The following SI variants were observed in gnomAD, a reference collection of about 807,000 sequenced individuals.
SI encodes the protein sucrase-isomaltase.
SI carries 235 observed loss-of-function variants against 253.3 expected under a neutral mutation model. The ratio of observed to expected loss-of-function variants is 0.93; its 90% CI spans 0.83 to 1.03. SI has a LOEUF of 1.03. SI is among the 50% of genes least tolerant of loss of function. The pLI is 0.00. For synonymous variants in SI, 819 were observed against 712.0 expected, an observed-to-expected ratio of 1.15 and a Z score of -2.39; for missense variants, 2,442 against 2,211.1, an observed-to-expected ratio of 1.10 and a Z score of -2.09.
At chr3:165,077,042 C>T (rs1255067040) in intron 1 of SI, among the ~76,000 whole-genome samples, 3 of 150,526 alleles carry the variant, frequency 2.0e-5, no homozygotes, top group Non-Finnish European at 4.5e-5. Context: ...CTCATGTACC[C>T]AGTTGTCCCA....
At chr3:164,999,019 G>C in intron 37 of SI, among the ~76,000 whole-genome samples, 1 of 151,608 alleles carries the variant, frequency 6.6e-6, no homozygotes, top group East Asian at 1.9e-4. Context: ...TTTAATAAAG[G>C]CTTATGCTCT....
chr3:165,084,847 T>G, the SI span, among the ~76,000 whole-genome samples: 6 of 152,020 alleles, frequency 3.9e-5, no homozygotes, highest in Admixed American at 6.6e-5. Context: ...AACTTATACA[T>G]TCCTGAAACA....
rs1712355772 is a variant in SI, at chr3:165,033,452, GA to G, written c.2516-9del. ...TGCCATTTTGTATTGTATCTGAAATGAAAAATATCGTGATCAGTACAAAATG... is the reference window on the plus strand; with the variant it reads ...TGCCATTTTGTATTGTATCTGAAATGAAAATATCGTGATCAGTACAAAATG... On this transcript the variant is annotated splice_polypyrimidine_tract_variant and intron_variant, in intron 22 of 47. Transcript: ENST00000264382. 3 of 1,531,192 alleles carry G rather than the reference GA, an allele frequency of 2.0e-6. No homozygotes were observed. Among genetic ancestry groups the G allele is most frequent in the African/African-American group, 2.8e-5 (2 of 71,970 alleles). 94.9% of individuals were successfully genotyped at this position (1,531,192 alleles called of 1,614,324 possible). A position where few individuals can be genotyped will look rare whatever the true frequency, so the allele number is the denominator to read the frequency against.
In SI at chr3:165,062,445, C is replaced by T. The variant is rs1462186098; in HGVS notation, c.946G>A (p.Val316Ile). The change falls in exon 9 of 48, where the codon GTT (valine) becomes ATT (isoleucine). Residue 316 changes from valine (V) to isoleucine (I), a missense_variant. Transcript: ENST00000264382. Reference protein sequence around the residue: ...IQPTPIVTYRVTGGILDFYIL... With the variant: ...IQPTPIVTYRITGGILDFYIL... ...TAAAAATCCAGAATGCCACCGGTAACTCTATATGTTACTATTGGAGTAGGC... is the reference window on the plus strand; with the variant it reads ...TAAAAATCCAGAATGCCACCGGTAATTCTATATGTTACTATTGGAGTAGGC... 1 of 1,604,886 alleles carries T rather than the reference C, an allele frequency of 6.2e-7. No individual in the cohort carries two copies. Among genetic ancestry groups the T allele is most frequent in the African/African-American group, 1.3e-5 (1 of 74,636 alleles).
intron 1 of SI, among the ~76,000 whole-genome samples, chr3:165,077,850 A>G (rs1475878467): frequency 1.1e-4 from 16 of 151,576 alleles, no homozygotes. Flanking sequence ...AAAATTTAAA[A>G]CAATTGCTTA....
chr3:165,065,728 C>A (rs1340750952), intron 6 of SI, among the ~76,000 whole-genome samples: 1 of 151,238 alleles, frequency 6.6e-6, no homozygotes. Context: ...ATGACACAAA[C>A]TGGGATAATT....
Position 165,036,574 on chromosome 3 carries a change from GC to G in SI, c.2427-98del. On this transcript the variant is annotated intron_variant, in intron 21 of 47. Coordinates refer to ENST00000264382, the MANE Select transcript of SI (RefSeq NM_001041.4). ...CCACTTCAACCTGTCTGTTTTATGG[GC>G]CCTGAATTCAGTAAGGACATTGACA... is the stretch of plus-strand genomic sequence containing the variant. 2 of 771,194 alleles carry G rather than the reference GC, an allele frequency of 2.6e-6. 1 individual carries two copies. The highest frequency in any genetic ancestry group is 3.0e-5 in the South Asian group (2 of 66,550). 47.8% of individuals were successfully genotyped at this position (771,194 alleles called of 1,614,324 possible).
intron 37 of SI, among the ~76,000 whole-genome samples, chr3:165,000,040 T>A (rs1718188872): frequency 6.6e-6 from 1 of 151,290 alleles, no homozygotes; most frequent in African/African-American, 2.4e-5. Flanking sequence ...AATAAATATA[T>A]AAATATGAAG....
chr3:164,999,146 A>G (rs1311227960), intron 37 of SI, among the ~76,000 whole-genome samples: 2 of 151,794 alleles, frequency 1.3e-5, no homozygotes, highest in Non-Finnish European at 2.9e-5. Context: ...ATTTGAAGAG[A>G]GCAAAGTATT....
chr3:164,983,956 T>C (rs907646560), intron 45 of SI, among the ~76,000 whole-genome samples: 6 of 152,118 alleles, frequency 3.9e-5, no homozygotes, highest in Admixed American at 3.3e-4. Context: ...AAAACTTGTT[T>C]AGTGCTGACT....
intron 36 of SI, 60 bp from the exon 37 acceptor site, chr3:165,007,014 T>C: frequency 8.5e-7 from 1 of 1,176,980 alleles, no homozygotes; most frequent in Non-Finnish European, 1.2e-6. Flanking sequence ...ATGAAACGTG[T>C]AACTCATAAT....
At chr3:165,057,199 A>T (rs1352241885) in intron 12 of SI, among the ~76,000 whole-genome samples, 1 of 151,890 alleles carries the variant, frequency 6.6e-6, no homozygotes, top group Admixed American at 6.6e-5. Flanking sequence ...GGATATACTG[A>T]AGAATGCATC....
intron 18 of SI, among the ~76,000 whole-genome samples, chr3:165,040,174 G>T (rs1421059410): frequency 6.6e-6 from 1 of 151,120 alleles, no homozygotes; most frequent in Non-Finnish European, 1.5e-5. Context: ...AAGGGAAGAA[G>T]GAAGAAGGGG....
intron 12 of SI, among the ~76,000 whole-genome samples, chr3:165,058,031 C>G (rs982314450): frequency 1.4e-4 from 20 of 146,382 alleles, no homozygotes; most frequent in African/African-American, 5.0e-4. Flanking sequence ...ATATGTCAGG[C>G]CAAAAAACAA....
At chr3:164,987,374 T>C (rs1717488919) in intron 44 of SI, 148 bp from the exon 45 acceptor site, 4 of 670,706 alleles carry the variant, frequency 6.0e-6, no homozygotes, top group Non-Finnish European at 7.9e-6. Flanking sequence ...AGCATTTCCA[T>C]TTTTCTAAAT....
rs199706219 is a variant in SI, at chr3:165,030,864, G to C, written c.2740C>G (p.Leu914Val). ...NFTYDASNQV[L>V]LIADLKLNLG... ...TTAAGTTTGAGATCTGCAATTAGGA[G>C]AACCTTTGAAGACAAAAAAAAAAAA... The change falls in exon 25 of 48, where the codon CTC becomes GTC. Residue 914 changes from leucine (L) to valine (V), a missense_variant. Transcript: ENST00000264382. 1 of 933,054 alleles carries C rather than the reference G, an allele frequency of 1.1e-6. No individual in the cohort carries two copies. The allele number at this position is 933,054 out of a possible 1,614,324, so 57.8% of individuals were successfully genotyped here.
the SI span, among the ~76,000 whole-genome samples, chr3:165,086,367 A>C: frequency 5.3e-5 from 8 of 152,210 alleles, no homozygotes; most frequent in Admixed American, 5.2e-4. Context: ...GAAACATCTA[A>C]TGCTGTGCTT....
Position 165,018,257 on chromosome 3 carries a change from G to A in SI, c.3424-191C>T, listed in dbSNP as rs989944544. Among the ~76,000 whole-genome samples the A allele has an allele frequency of 1.9e-4, 29 of 150,938 alleles. 1 individual carries two copies. Among genetic ancestry groups the A allele is most frequent in the East Asian group, 7.8e-4 (4 of 5,128 alleles). On this transcript the variant is annotated intron_variant, in intron 28 of 47. Coordinates refer to ENST00000264382, the MANE Select transcript of SI (RefSeq NM_001041.4). ...AATTGTTTAAATTTTTTCTGCTTTC[G>A]TGCAGTTTACAAATATGTTTCTATA...
At position 164,979,288 on chromosome 3, in the gene SI, G is replaced by C. The variant is rs780848726; in HGVS notation, c.*74C>G. ...GTAGAGTACAAGAACCAAGTGAAGAGGGAAAATTGTAAGTGCTGTGAAACT... is the reference window on the plus strand; with the variant it reads ...GTAGAGTACAAGAACCAAGTGAAGACGGAAAATTGTAAGTGCTGTGAAACT... On this transcript the variant is annotated 3_prime_UTR_variant, in exon 48 of 48. Coordinates refer to ENST00000264382, the MANE Select transcript of SI (RefSeq NM_001041.4). The C allele has an allele frequency of 2.6e-4, 233 of 881,232 alleles. No homozygotes were observed. Among genetic ancestry groups the C allele is most frequent in the Non-Finnish European group, 4.1e-4 (211 of 519,040 alleles). The allele number at this position is 881,232 out of a possible 1,614,324, so 54.6% of individuals were successfully genotyped here.
Sources: allele counts gnomAD v4.1 joint callset (sites outside exome capture counted in the v4.1 genomes callset), GRCh38; gene constraint gnomAD v4.1.1; transcripts MANE v1.5; gene names NCBI Gene and HGNC (gene_info 2026-07-23, HGNC 2026-07-21).